PKMYT1: variants seen among roughly 807,000 people sequenced by gnomAD.
PKMYT1 encodes protein kinase, membrane associated tyrosine/threonine 1.
A neutral mutation model predicts 49.7 loss-of-function variants in PKMYT1; 35 were observed. The ratio of observed to expected loss-of-function variants is 0.70; its 90% confidence interval spans 0.54 to 0.93. The LOEUF (loss-of-function observed/expected upper bound fraction) is 0.93. Among genes scored for constraint, PKMYT1 ranks in the 40% least tolerant of loss-of-function variants. The pLI is 0.00. For synonymous variants in PKMYT1, 331 were observed against 287.6 expected, an observed-to-expected ratio of 1.15 and a Z score of -1.53; for missense variants, 677 against 673.1, an observed-to-expected ratio of 1.01 and a Z score of -0.06.
At chr16:2,977,949 G>T (rs925001871) in intron 2 of PKMYT1, among the ~76,000 whole-genome samples, 1 of 152,188 alleles carries the variant, frequency 6.6e-6, no homozygotes, top group African/African-American at 2.4e-5. Context: ...GCATAGAATA[G>T]AGGCTATATC....
At position 2,976,992 on chromosome 16, in the gene PKMYT1, G is replaced by T; in HGVS notation, c.50C>A (p.Thr17Asn). The T allele has an allele frequency of 6.4e-7, 1 of 1,571,048 alleles. No homozygotes were observed. The highest frequency in any genetic ancestry group is 8.6e-7 in the Non-Finnish European group (1 of 1,160,082). Residue 17 changes from threonine (T) to asparagine (N), a missense_variant, in exon 3 of 9, where the codon ACC (threonine) becomes AAC (asparagine). Transcript: ENST00000262300. ...GGGGGTGCCACTCAGAGGTGGCGGG[G>T]TGCCCTCCGTGGGCATGGGCATGGC... ...ALAMPMPTEG[T>N]PPPLSGTPIP...
rs755726306 is a variant in PKMYT1, at chr16:2,977,030, C to A, written c.12G>T (p.Arg4=). 3 of 1,588,134 alleles carry A rather than the reference C, an allele frequency of 1.9e-6. No homozygotes were observed. The Admixed American group carries it at 5.1e-5, about 27-fold the overall frequency. MLE[R]PPALAMPMPT... ...GCATGGGCATGGCCAGTGCAGGAGG[C>A]CCTGGGGGCAGAGACAGAGGCTGAG... The change falls in exon 3 of 9, where the codon CGG becomes CGT. Residue 4 remains arginine (R), a splice_region_variant and synonymous_variant. Coordinates refer to ENST00000262300, the MANE Select transcript of PKMYT1 (RefSeq NM_004203.5).
chr16:2,977,126 G>C, intron 2 of PKMYT1, 95 bp from the exon 3 acceptor site: 1 of 1,552,444 alleles, frequency 6.4e-7, no homozygotes. Flanking sequence ...AGAGAGCTAT[G>C]TCTATACCAC....
intron 3 of PKMYT1, chr16:2,976,076 G>A: frequency 4.4e-6 from 2 of 451,570 alleles, no homozygotes; most frequent in Non-Finnish European, 3.9e-6. Context: ...TGTGTCACGA[G>A]GTGGAAAAAG....
At chr16:2,973,510 A>G (rs1330745599) in intron 7 of PKMYT1, 1 of 1,349,604 alleles carries the variant, frequency 7.4e-7, no homozygotes, top group Admixed American at 2.2e-5. Context: ...CTTGTCTGCT[A>G]TCAAGTGCCC....
Position 2,979,766 on chromosome 16 carries a change from G to A in PKMYT1, c.-109C>T, listed in dbSNP as rs2072292945. 3 of 1,382,134 alleles carry A rather than the reference G, an allele frequency of 2.2e-6. No individual in the cohort carries two copies. The highest frequency in any genetic ancestry group is 4.8e-5 in the East Asian group (2 of 41,964). 85.6% of individuals were successfully genotyped at this position (1,382,134 alleles called of 1,614,324 possible). On this transcript the variant is annotated 5_prime_UTR_variant, in exon 2 of 9. Coordinates refer to ENST00000262300, the MANE Select transcript of PKMYT1 (RefSeq NM_004203.5). ...CTAAGGCCAGGCGGGGGTGACCTCCGCAGCTTCCGGGGCCCTGGGCGATCG... is the reference window on the plus strand; with the variant it reads ...CTAAGGCCAGGCGGGGGTGACCTCCACAGCTTCCGGGGCCCTGGGCGATCG...
rs4149781 is a variant in PKMYT1, at chr16:2,977,300, G to A, written c.11-269C>T. 2.6e-3 allele frequency: 3,321 copies of A among 1,286,912 alleles called. 83 individuals are homozygous for A. In the African/African-American group the frequency reaches 0.045, roughly 17 times the overall value. The allele number at this position is 1,286,912 out of a possible 1,614,324, so 79.7% of individuals were successfully genotyped here. A position where few individuals can be genotyped will look rare whatever the true frequency, so the allele number is the denominator to read the frequency against. On this transcript the variant is annotated intron_variant, in intron 2 of 8. Transcript: ENST00000262300. The stretch of plus-strand genomic sequence containing the variant: ...CGTGTTCTTGAGGGTCTTGCAGTCG[G>A]GTTAAGAGCAAGGCAGTTTGGAGTC...
chr16:2,973,416 G>A, intron 7 of PKMYT1: 1 of 1,533,736 alleles, frequency 6.5e-7, no homozygotes, highest in Non-Finnish European at 8.7e-7. Context: ...GCACTCCAAG[G>A]CCCCCTCTGT....
chr16:2,977,721 A>C (rs1596454997), intron 2 of PKMYT1, among the ~76,000 whole-genome samples: 1 of 151,694 alleles, frequency 6.6e-6, no homozygotes, highest in South Asian at 2.1e-4. Flanking sequence ...CTGCCCTCCC[A>C]CCTCCAGCAC....
intron 7 of PKMYT1, 128 bp downstream of exon 7, chr16:2,973,872 C>T (rs2151069772): frequency 9.4e-7 from 1 of 1,063,890 alleles, no homozygotes. Context: ...CAGTCTTGGT[C>T]CCCTTCCCCA....
At chr16:2,973,275 C>A in intron 7 of PKMYT1, 60 bp from the exon 8 acceptor site, 1 of 1,488,560 alleles carries the variant, frequency 6.7e-7, no homozygotes, top group South Asian at 1.3e-5. Flanking sequence ...CGGATGAAAC[C>A]AGCTCTGTCC....
Position 2,974,329 on chromosome 16 carries a change from C to G in PKMYT1, c.1068G>C (p.Leu356=), listed in dbSNP as rs1203226485. The G allele has an allele frequency of 6.2e-7, 1 of 1,606,422 alleles. No individual in the cohort carries two copies. Among genetic ancestry groups the G allele is most frequent in the Non-Finnish European group, 8.5e-7 (1 of 1,177,216 alleles). Residue 356 remains leucine, a synonymous_variant, in exon 6 of 9, where the codon CTG becomes CTC. Coordinates refer to ENST00000262300, the MANE Select transcript of PKMYT1 (RefSeq NM_004203.5). The part of the protein sequence containing the change: ...LRATAEALLA[L]PVLRQPRAWG... ...AGGCCCGCGGCTGCCTCAACACAGG[C>G]AGTGCCAGCAGGGCCTCGGCCGTGG...
intron 4 of PKMYT1, 141 bp downstream of exon 4, chr16:2,975,178 G>A: frequency 9.6e-7 from 1 of 1,043,270 alleles, no homozygotes; most frequent in Non-Finnish European, 1.3e-6. Context: ...CCACTGGAGG[G>A]CAGGGATGGC....
At chr16:2,975,848 G>T in intron 3 of PKMYT1, 36 bp from the exon 4 acceptor site, 2 of 1,555,294 alleles carry the variant, frequency 1.3e-6, no homozygotes, top group Admixed American at 1.7e-5. Flanking sequence ...CACAGTGAGG[G>T]TGAGCCACAA....
At position 2,974,379 on chromosome 16, in the gene PKMYT1, G is replaced by C. The variant is rs774433682; in HGVS notation, c.1018C>G (p.Leu340Val). Residue 340 changes from leucine to valine, a missense_variant, in exon 6 of 9, where the codon CTG becomes GTG. Leu to Val is a conservative substitution (Grantham distance 32, BLOSUM62 1). Coordinates refer to ENST00000262300, the MANE Select transcript of PKMYT1 (RefSeq NM_004203.5). The stretch of plus-strand genomic sequence containing the variant: ...GCCCGCAGCTTGGGGTCTGGCTCCA[G>C]CATCATGACAAGGACAGAACGCAGC... ...SELRSVLVMM[L>V]EPDPKLRATA... is the part of the protein sequence containing the mutation. The C allele has an allele frequency of 1.9e-6, 3 of 1,611,406 alleles. No homozygotes were observed. In the East Asian group the frequency reaches 6.7e-5, roughly 36 times the overall value.
chr16:2,976,851 C>T lies in PKMYT1; in HGVS notation c.191G>A (p.Ser64Asn). 6.5e-7 allele frequency: 1 copy of T among 1,541,122 alleles called. No individual in the cohort carries two copies. The highest frequency in any genetic ancestry group is 8.8e-7 in the Non-Finnish European group (1 of 1,141,292). Residue 64 changes from serine (S) to asparagine (N), a missense_variant, in exon 3 of 9, where the codon AGC becomes AAC. Physicochemically the swap from Ser to Asn is conservative, Grantham distance 46. Transcript: ENST00000262300. ...TGGGGTCCGAGGAGGGAAGAGGCGG[C>T]TGATGGGAATGCTGCCCTTGGCAGG... Reference protein sequence around the residue: ...PPPAKGSIPISRLFPPRTPGW... With the variant: ...PPPAKGSIPINRLFPPRTPGW...
chr16:2,973,886 T>C, intron 7 of PKMYT1, 114 bp downstream of exon 7: 1 of 1,174,702 alleles, frequency 8.5e-7, no homozygotes, highest in Non-Finnish European at 1.2e-6. Context: ...TTCCCCAGGA[T>C]GTGATGGGGG....
chr16:2,974,187 T>A (rs2074528), intron 6 of PKMYT1, 30 bp from the exon 7 acceptor site: 1 of 1,574,170 alleles, frequency 6.4e-7, no homozygotes, highest in Non-Finnish European at 8.6e-7. Flanking sequence ...AGGATGTGGG[T>A]GGGCGGACCC....
rs4149803 is a variant in PKMYT1 at position 2,973,870 on chromosome 16, G to C, written c.1310+130C>G. On this transcript the variant is annotated intron_variant, in intron 7 of 8. Coordinates refer to ENST00000262300, the MANE Select transcript of PKMYT1 (RefSeq NM_004203.5). Reference sequence around the variant, plus strand: ...GCCAGGCCACACACCCCCAGTCTTGGTCCCCTTCCCCAGGATGTGATGGGG... The same window carrying C: ...GCCAGGCCACACACCCCCAGTCTTGCTCCCCTTCCCCAGGATGTGATGGGG... 2,657 of 1,047,418 alleles carry C rather than the reference G, an allele frequency of 2.5e-3. 42 individuals carry two copies. The African/African-American group carries it at 0.037, about 15-fold the overall frequency. The allele number at this position is 1,047,418 out of a possible 1,614,324, so 64.9% of individuals were successfully genotyped here.
Sources: gnomAD v4.1 joint callset for allele counts (sites outside exome capture counted in the v4.1 genomes callset) on GRCh38, gnomAD v4.1.1 for gene constraint, MANE v1.5 for transcripts, NCBI Gene and HGNC (gene_info 2026-07-23, HGNC 2026-07-21) for gene names.